The following PTPRA variants were observed in gnomAD, a reference collection of about 807,000 sequenced individuals.
PTPRA encodes receptor-type tyrosine-protein phosphatase alpha.
PTPRA carries 25 observed loss-of-function variants against 104.8 expected under a neutral mutation model. That is an observed-to-expected ratio of 0.24 (90% CI 0.17 to 0.33). The LOEUF is 0.33. PTPRA is among the 10% of genes least tolerant of loss of function. PTPRA has a pLI of 1.00. For synonymous variants in PTPRA, 323 were observed against 368.9 expected, an observed-to-expected ratio of 0.88 and a Z score of 1.43; for missense variants, 765 against 1,015.3, an observed-to-expected ratio of 0.75 and a Z score of 3.35.
chr20:2,949,682 T>C (rs2061287474), intron 3 of PTPRA, among the ~76,000 whole-genome samples: 2 of 152,124 alleles, frequency 1.3e-5, no homozygotes, highest in South Asian at 4.1e-4. Context: ...TTCAAAGGAA[T>C]GCTTTCCGTT....
intron 5 of PTPRA, among the ~76,000 whole-genome samples, chr20:2,969,841 G>T (rs1483233183): frequency 6.6e-6 from 1 of 151,794 alleles, no homozygotes; most frequent in Non-Finnish European, 1.5e-5. Flanking sequence ...GTGGTGGCAG[G>T]TGCCTGTAGT....
intron 17 of PTPRA, among the ~76,000 whole-genome samples, chr20:3,026,327 G>A (rs2148460736): frequency 6.6e-6 from 1 of 152,312 alleles, no homozygotes; most frequent in Non-Finnish European, 1.5e-5. Context: ...AGCCTCAATC[G>A]GGAAGGGAGG....
chr20:2,992,289 G>C (rs1315821984), intron 9 of PTPRA, among the ~76,000 whole-genome samples: 1 of 152,146 alleles, frequency 6.6e-6, no homozygotes, highest in Non-Finnish European at 1.5e-5. Context: ...GGCTGAGTTG[G>C]ACAGATCACC....
At chr20:2,917,774 A>G (rs2059956810) in intron 1 of PTPRA, among the ~76,000 whole-genome samples, 1 of 151,894 alleles carries the variant, frequency 6.6e-6, no homozygotes, top group Non-Finnish European at 1.5e-5. Flanking sequence ...GAGTTAGACC[A>G]ACCTGGGCAA....
chr20:2,943,085 C>G (rs566524020), intron 2 of PTPRA, among the ~76,000 whole-genome samples: 7 of 151,226 alleles, frequency 4.6e-5, no homozygotes, highest in Non-Finnish European at 1.0e-4. Flanking sequence ...AGACCCTGTT[C>G]TTTTAGTGGT....
intron 1 of PTPRA, among the ~76,000 whole-genome samples, chr20:2,877,496 T>C (rs2089797429): frequency 6.6e-6 from 1 of 152,186 alleles, no homozygotes; most frequent in Non-Finnish European, 1.5e-5. Context: ...TGACCTCAGG[T>C]GATCCGCTGG....
At chr20:2,946,026 A>G (rs1455733688) in intron 2 of PTPRA, among the ~76,000 whole-genome samples, 1 of 152,106 alleles carries the variant, frequency 6.6e-6, no homozygotes, top group Non-Finnish European at 1.5e-5. Context: ...AGTTCTATGA[A>G]AGCAATGAGT....
At position 2,964,987 on chromosome 20, in the gene PTPRA, C is replaced by T; in HGVS notation, c.200C>T (p.Pro67Leu). 3 of 1,614,020 alleles carry T rather than the reference C, an allele frequency of 1.9e-6. No homozygotes were observed. The highest frequency in any genetic ancestry group is 2.5e-6 in the Non-Finnish European group (3 of 1,179,902). ...TSLSVAPTFS[P>L]NITLGPTYLT... ...CTTTCTGTGGCACCAACATTCAGCC[C>T]AAATATAACTCTGGGACCCACCTAT... The change falls in exon 5 of 24, where the codon CCA (proline) becomes CTA (leucine). Residue 67 changes from proline to leucine, a missense_variant. Coordinates refer to ENST00000399903, the MANE Select transcript of PTPRA (RefSeq NM_001385305.1).
At chr20:3,027,093 T>C (rs200277285) in intron 18 of PTPRA, 28 bp from the exon 19 acceptor site, 21 of 1,609,784 alleles carry the variant, frequency 1.3e-5, no homozygotes, top group Middle Eastern at 1.7e-4. Context: ...TGATATTGGC[T>C]AGCCATAAGC....
intron 3 of PTPRA, among the ~76,000 whole-genome samples, chr20:2,958,429 C>A (rs2061614750): frequency 6.6e-6 from 1 of 151,914 alleles, no homozygotes; most frequent in South Asian, 2.1e-4. Context: ...ATATTGAAGT[C>A]ATCCAGGAGA....
chr20:3,005,352 T>C (rs1418126123), intron 10 of PTPRA, among the ~76,000 whole-genome samples: 1 of 152,042 alleles, frequency 6.6e-6, no homozygotes, highest in African/African-American at 2.4e-5. Context: ...AGTTTGAAAC[T>C]AGCCTGGGCA....
chr20:2,979,775 C>T (rs372175803), intron 6 of PTPRA, among the ~76,000 whole-genome samples: 1 of 152,246 alleles, frequency 6.6e-6, no homozygotes, highest in Non-Finnish European at 1.5e-5. Context: ...AACTCCTGGC[C>T]TCAAGCAGTC....
At chr20:2,924,745 A>G (rs2060230675) in intron 2 of PTPRA, among the ~76,000 whole-genome samples, 1 of 152,060 alleles carries the variant, frequency 6.6e-6, no homozygotes, top group Admixed American at 6.6e-5. Flanking sequence ...CAGTGGTGTG[A>G]TCTCAGCTCA....
intron 5 of PTPRA, among the ~76,000 whole-genome samples, chr20:2,968,136 C>T (rs1255686029): frequency 2.6e-5 from 4 of 152,090 alleles, no homozygotes; most frequent in Non-Finnish European, 4.4e-5. Context: ...TCTCATCATT[C>T]GGTAGATTCC....
Position 3,035,886 on chromosome 20 carries a change from G to A in PTPRA, c.2143G>A (p.Ala715Thr), listed in dbSNP as rs375312168. The A allele has an allele frequency of 2.5e-6, 4 of 1,613,930 alleles. No homozygotes were observed. The highest frequency in any genetic ancestry group is 1.3e-5 in the African/African-American group (1 of 74,920). ...DGKGMISIIA[A>T]VQKQQQQSGN... ...AAAGGGCATGATCAGCATCATCGCC[G>A]CCGTGCAGAAGCAGCAGCAGCAGTC... Residue 715 changes from alanine to threonine, a missense_variant, in exon 22 of 24, where the codon GCC becomes ACC. By Grantham distance (58) the Ala-to-Thr change is moderately conservative (BLOSUM62 0). This residue lies in a region of PTPRA where 72 missense variants were observed against 140.7 expected (regional missense o/e 0.51). Transcript: ENST00000399903. This position sits in a 1 kb window ranked among gnomAD's most constrained non-coding sequence, Gnocchi z 5.8.
In PTPRA at chr20:3,027,953, T is replaced by C. The variant is rs114715731; in HGVS notation, c.1920+112T>C. ...GTGTTTGGACCTTGTCTTTGACTTA[T>C]ACGGTCCAAAGAGTACGTTTGCATA... On this transcript the variant is annotated intron_variant, in intron 20 of 23. Coordinates refer to ENST00000399903, the MANE Select transcript of PTPRA (RefSeq NM_001385305.1). 3,937 of 1,439,874 alleles carry C rather than the reference T, an allele frequency of 2.7e-3. 90 individuals carry two copies. The African/African-American group carries it at 0.047, about 17-fold the overall frequency. The allele number at this position is 1,439,874 out of a possible 1,614,324, so 89.2% of individuals were successfully genotyped here.
intron 3 of PTPRA, among the ~76,000 whole-genome samples, chr20:2,955,105 T>C (rs775061958): frequency 5.9e-5 from 9 of 152,230 alleles, no homozygotes; most frequent in Non-Finnish European, 1.3e-4. Flanking sequence ...ACTGAGTAGA[T>C]AGATTTCTCC....
intron 1 of PTPRA, among the ~76,000 whole-genome samples, chr20:2,910,533 A>T (rs1452489544): frequency 8.8e-6 from 1 of 113,066 alleles, no homozygotes; most frequent in Non-Finnish European, 1.7e-5. Flanking sequence ...CCCAGGCTGG[A>T]ATGGAGTGGC....
chr20:2,886,736 A>G (rs1482139247), intron 1 of PTPRA, among the ~76,000 whole-genome samples: 9 of 151,468 alleles, frequency 5.9e-5, no homozygotes, highest in Admixed American at 3.9e-4. Flanking sequence ...CATACCTGTA[A>G]TCCCAGCTAC....
Sources: allele counts gnomAD v4.1 joint callset (sites outside exome capture counted in the v4.1 genomes callset), GRCh38; gene constraint gnomAD v4.1.1; regional missense constraint gnomAD v4.1.1; non-coding constraint Gnocchi (gnomAD v3.1); transcripts MANE v1.5; gene names NCBI Gene and HGNC (gene_info 2026-07-23, HGNC 2026-07-21).